PIEZO1: variants seen among roughly 807,000 people sequenced by gnomAD.
PIEZO1 encodes the protein piezo type mechanosensitive ion channel component 1 (Er blood group).
Under a neutral mutation model 297.2 loss-of-function variants are expected in PIEZO1, and 296 were observed. The observed-to-expected ratio is 1.00, with a 90% CI of 0.91 to 1.10. The LOEUF is 1.10. PIEZO1 is among the 50% of genes least tolerant of loss of function. The pLI, the probability that PIEZO1 is intolerant of heterozygous loss-of-function variation, is 0.00. For missense variants in PIEZO1, 5,018 were observed against 3,455.5 expected (o/e 1.45, Z -11.34); for synonymous variants, 2,427 against 1,507.5 (o/e 1.61, Z -14.13).
intron 44 of PIEZO1, 108 bp from the exon 45 acceptor site, chr16:88,717,319 C>G: frequency 1.1e-6 from 1 of 910,560 alleles, no homozygotes; most frequent in Admixed American, 2.0e-5. Context: ...AGCCTGACCT[C>G]AGTATGGCAC....
Position 88,735,156 on chromosome 16 carries a change from C to G in PIEZO1, c.1648G>C (p.Glu550Gln). 1.3e-6 allele frequency: 2 copies of G among 1,550,304 alleles called. No individual in the cohort carries two copies. The highest frequency in any genetic ancestry group is 4.9e-5 in the East Asian group (2 of 40,922). Residue 550 changes from glutamate to glutamine, a missense_variant, in exon 13 of 51, where the codon GAG becomes CAG. By Grantham distance (29) the Glu-to-Gln change is conservative. Transcript: ENST00000301015. ...KWAESPAALT[E>Q]VTVADTEPTR... ...TCACCTGTGTCTGCCACGGTGACCT[C>G]CGTCAGCGCAGCTGGAGACTCTGCC...
At position 88,727,565 on chromosome 16, in the gene PIEZO1, T is replaced by C; in HGVS notation, c.3293A>G (p.Asn1098Ser). 3 of 1,452,114 alleles carry C rather than the reference T, an allele frequency of 2.1e-6. No homozygotes were observed. The highest frequency in any genetic ancestry group is 2.8e-6 in the Non-Finnish European group (3 of 1,068,154). 90.0% of individuals were successfully genotyped at this position (1,452,114 alleles called of 1,614,324 possible). Residue 1098 changes from asparagine to serine, a missense_variant, in exon 23 of 51, where the codon AAC (asparagine) becomes AGC (serine). Transcript: ENST00000301015. ...PDFFRAPNST[N>S]LISDFLLLLC... ...TGGTGGGGGGCACTCACTGATGAGG[T>C]TGGTGGAGTTGGGGGCCCGGAAGAA...
At chr16:88,738,519 C>T in intron 6 of PIEZO1, 49 bp downstream of exon 6, 1 of 1,498,186 alleles carries the variant, frequency 6.7e-7, no homozygotes, top group South Asian at 1.2e-5. Flanking sequence ...AGGGAACTCC[C>T]AAGACCCCTC....
Position 88,716,702 on chromosome 16 carries a change from G to A in PIEZO1, c.6783C>T (p.Ser2261=), listed in dbSNP as rs1912064966. ...PLAMQFISQY[S]PEDIVTAQIE... is the part of the protein sequence containing the mutation. Reference sequence around the variant, plus strand: ...TCTGCGCCGTGACGATGTCCTCAGGGCTGTACTGGCTGATGAACTGCATGG... The same window carrying A: ...TCTGCGCCGTGACGATGTCCTCAGGACTGTACTGGCTGATGAACTGCATGG... Residue 2261 remains serine, a synonymous_variant, in exon 47 of 51, where the codon AGC becomes AGT. Transcript: ENST00000301015. 2.6e-6 allele frequency: 4 copies of A among 1,548,388 alleles called. No individual in the cohort carries two copies. Among genetic ancestry groups the A allele is most frequent in the African/African-American group, 1.4e-5 (1 of 73,180 alleles).
intron 1 of PIEZO1, among the ~76,000 whole-genome samples, chr16:88,779,448 AC>A (rs1321066021): frequency 5.3e-5 from 8 of 152,110 alleles, no homozygotes; most frequent in Non-Finnish European, 1.0e-4. Context: ...AACAGCAATG[AC>A]CGTGCGGGGC....
At chr16:88,740,799 G>A (rs1905594634) in intron 5 of PIEZO1, 1 of 152,184 alleles carries the variant, frequency 6.6e-6, no homozygotes, top group South Asian at 2.1e-4. Context: ...GGGAGTTCGT[G>A]GGCCAGGACA....
chr16:88,770,001 G>C (rs1907349606), intron 1 of PIEZO1, among the ~76,000 whole-genome samples: 1 of 152,152 alleles, frequency 6.6e-6, no homozygotes. Flanking sequence ...CTGGAGGCTC[G>C]GGACCCCCAC....
At chr16:88,775,740 AAAAAG>A (rs1194961895) in intron 1 of PIEZO1, among the ~76,000 whole-genome samples, 9 of 151,552 alleles carry the variant, frequency 5.9e-5, no homozygotes, top group African/African-American at 1.9e-4. Flanking sequence ...AAAAAAAAAA[AAAAAG>A]AAAAGAAAAA....
In PIEZO1 at chr16:88,722,272, C is replaced by G; in HGVS notation, c.4901G>C (p.Gly1634Ala). The G allele has an allele frequency of 6.5e-7, 1 of 1,548,508 alleles. No individual in the cohort carries two copies. The highest frequency in any genetic ancestry group is 8.7e-7 in the Non-Finnish European group (1 of 1,146,810). Residue 1634 changes from glycine to alanine, a missense_variant, in exon 36 of 51, where the codon GGT (glycine) becomes GCT (alanine). Coordinates refer to ENST00000301015, the MANE Select transcript of PIEZO1 (RefSeq NM_001142864.4). Reference protein sequence around the residue: ...AVTDPGEREAGASLYQGLMRT... With the variant: ...AVTDPGEREAAASLYQGLMRT... ...CATCAGTCCCTGGTACAGAGAGGCACCAGCCTCACGCTCCCCGGGGTCGGT... is the reference window on the plus strand; with the variant it reads ...CATCAGTCCCTGGTACAGAGAGGCAGCAGCCTCACGCTCCCCGGGGTCGGT...
Position 88,715,693 on chromosome 16 carries a change from A to C in PIEZO1, c.7478T>G (p.Leu2493Arg), listed in dbSNP as rs945494220. 1 of 1,550,380 alleles carries C rather than the reference A, an allele frequency of 6.5e-7. No homozygotes were observed. Residue 2493 changes from leucine to arginine, a missense_variant, in exon 51 of 51, where the codon CTG becomes CGG. Physicochemically the swap from Leu to Arg is moderately radical, Grantham distance 102. Coordinates refer to ENST00000301015, the MANE Select transcript of PIEZO1 (RefSeq NM_001142864.4). ...GGCGTACAACTCCTCCTCCAGCTCC[A>C]GCTCCCGAGTCTCCCGCACCAGGAA... ...DIFLVRETRE[L>R]ELEEELYAKL...
chr16:88,775,060 T>C (rs2142904340), intron 1 of PIEZO1, among the ~76,000 whole-genome samples: 1 of 152,212 alleles, frequency 6.6e-6, no homozygotes, highest in Non-Finnish European at 1.5e-5. Context: ...GCCCAGACAG[T>C]GAAGACGACA....
intron 1 of PIEZO1, among the ~76,000 whole-genome samples, chr16:88,750,688 T>C (rs1472325200): frequency 6.6e-6 from 1 of 152,194 alleles, no homozygotes; most frequent in Non-Finnish European, 1.5e-5. Flanking sequence ...CTCCTAGGAA[T>C]GTGAGGTTTG....
Position 88,715,834 on chromosome 16 carries a change from G to A in PIEZO1, c.7337C>T (p.Ser2446Phe). 1 of 1,550,182 alleles carries A rather than the reference G, an allele frequency of 6.5e-7. No homozygotes were observed. The highest frequency in any genetic ancestry group is 1.7e-4 in the Middle Eastern group (1 of 5,990). ...GAACTTGCCGATGACCAGCACGATG[G>A]ACACGTACAGCCCCATGATGCTGCG... Reference protein sequence around the residue: ...AGYGIMGLYVSIVLVIGKFVR... With the variant: ...AGYGIMGLYVFIVLVIGKFVR... The change falls in exon 51 of 51, where the codon TCC becomes TTC. Residue 2446 changes from serine to phenylalanine, a missense_variant. Physicochemically the swap from Ser to Phe is radical, Grantham distance 155 (BLOSUM62 -2). Coordinates refer to ENST00000301015, the MANE Select transcript of PIEZO1 (RefSeq NM_001142864.4).
Position 88,719,724 on chromosome 16 carries a change from G to A in PIEZO1, c.6324-3C>T, listed in dbSNP as rs1302623209. 7.1e-6 allele frequency: 11 copies of A among 1,550,592 alleles called. No individual in the cohort carries two copies. The highest frequency in any genetic ancestry group is 3.9e-5 in the Admixed American group (2 of 51,014). ...CCAGGAACGGCACCAGCCGGAACCTGCCCACAGCCAGGGTTCCCGTCAGGT... is the reference window on the plus strand; with the variant it reads ...CCAGGAACGGCACCAGCCGGAACCTACCCACAGCCAGGGTTCCCGTCAGGT... On this transcript the variant is annotated splice_polypyrimidine_tract_variant and splice_region_variant and intron_variant, in intron 43 of 50. Transcript: ENST00000301015.
Position 88,733,655 on chromosome 16 carries a change from C to A in PIEZO1, c.2420G>T (p.Arg807Leu). Residue 807 changes from arginine to leucine, a missense_variant, in exon 18 of 51, where the codon CGG becomes CTG. Transcript: ENST00000301015. ...DVLSRVQVFL[R>L]RLLELHVFKL... is the part of the protein sequence containing the mutation. ...GAAAACGTGAAGCTCCAGCAGCCGC[C>A]GCAGGAACACCTGCACGCGTGAGAG... 1 of 1,549,708 alleles carries A rather than the reference C, an allele frequency of 6.5e-7. No homozygotes were observed. Among genetic ancestry groups the A allele is most frequent in the Non-Finnish European group, 8.7e-7 (1 of 1,146,564 alleles).
intron 1 of PIEZO1, among the ~76,000 whole-genome samples, chr16:88,758,163 G>A (rs373873485): frequency 3.9e-5 from 6 of 152,038 alleles, no homozygotes; most frequent in Non-Finnish European, 7.4e-5. Context: ...GCGGCTGCCC[G>A]GACTCTCCTC....
At chr16:88,760,865 C>A (rs1449543846) in intron 1 of PIEZO1, among the ~76,000 whole-genome samples, 7 of 152,248 alleles carry the variant, frequency 4.6e-5, no homozygotes, top group African/African-American at 1.7e-4. Context: ...TTAATTAGCT[C>A]GGTGTCCAGG....
intron 1 of PIEZO1, among the ~76,000 whole-genome samples, chr16:88,770,557 C>T (rs1416207509): frequency 1.3e-5 from 2 of 152,200 alleles, no homozygotes; most frequent in Non-Finnish European, 2.9e-5. Flanking sequence ...GCCGTTAGTG[C>T]GGGGGCCCCG....
In PIEZO1 at chr16:88,730,756, T is replaced by A. The variant is rs115765760; in HGVS notation, c.3196+950A>T. On this transcript the variant is annotated intron_variant, in intron 22 of 50. Transcript: ENST00000301015. ...CAAATACGGGGAGATGATGTAACAG[T>A]GTGTGGCCGGAGGGGCCAGGACCCA... is the stretch of plus-strand genomic sequence containing the variant. Among the ~76,000 whole-genome samples the A allele has an allele frequency of 9.1e-3, 1,378 of 152,196 alleles. 26 individuals are homozygous for A. Among genetic ancestry groups the A allele is most frequent in the African/African-American group, 0.031 (1,296 of 41,496 alleles).
Sources: allele counts gnomAD v4.1 joint callset (sites outside exome capture counted in the v4.1 genomes callset), GRCh38; gene constraint gnomAD v4.1.1; transcripts MANE v1.5; gene names NCBI Gene and HGNC (gene_info 2026-07-23, HGNC 2026-07-21).